Variants in RFLNA observed in about 807,000 individuals in gnomAD.
RFLNA encodes refilin-A.
Under a neutral mutation model 7.8 loss-of-function variants are expected in RFLNA, and 5 were observed. The ratio of observed to expected loss-of-function variants is 0.64; its 90% CI spans 0.34 to 1.35. The LOEUF (loss-of-function observed/expected upper bound fraction) is 1.35. RFLNA is among the 40% of genes most tolerant of loss of function. The pLI, the probability that RFLNA is intolerant of heterozygous loss-of-function variation, is 0.04. For synonymous variants in RFLNA, 141 were observed against 131.3 expected, an observed-to-expected ratio of 1.07 and a Z score of -0.50; for missense variants, 278 against 305.5, an observed-to-expected ratio of 0.91 and a Z score of 0.67.
Position 124,300,720 on chromosome 12 carries a change from GTGGATGGATGCATGGATGGATGGA to G in RFLNA, c.207+5095_207+5118del, listed in dbSNP as rs1246423400. Among the ~76,000 whole-genome samples the G allele has an allele frequency of 3.5e-3, 403 of 116,324 alleles. 4 individuals are homozygous for G. Among genetic ancestry groups the G allele is most frequent in the African/African-American group, 0.011 (384 of 33,496 alleles). The allele number at this position is 116,324 out of a possible 152,430, so 76.3% of individuals were successfully genotyped here. The stretch of plus-strand genomic sequence containing the variant: ...GAAGGATGGATGGATGGGCAGAAGG[GTGGATGGATGCATGGATGGATGGA>G]TGGATGGATGGATGGATGGATGGAT... On this transcript the variant is annotated intron_variant, in intron 1 of 2. Coordinates refer to ENST00000546355, the MANE Select transcript of RFLNA (RefSeq NM_001365156.1).
chr12:124,311,949 G>A, intron 2 of RFLNA, 22 bp downstream of exon 2: 1 of 1,540,698 alleles, frequency 6.5e-7, no homozygotes, highest in Non-Finnish European at 8.7e-7. Context: ...ACTGGGCTCT[G>A]CGCGGGAGGA....
In RFLNA at chr12:124,306,202, C is replaced by A. The variant is rs1283887544; in HGVS notation, c.208-5616C>A. Reference sequence around the variant, plus strand: ...GTCCTGGGCTTAGAGGTGATAAGGACTCCAGCCTTAGGGAGCTGCTTCTCT... The same window carrying A: ...GTCCTGGGCTTAGAGGTGATAAGGAATCCAGCCTTAGGGAGCTGCTTCTCT... On this transcript the variant is annotated intron_variant, in intron 1 of 2. Transcript: ENST00000546355. The surrounding 1 kb of genome is among the most constrained non-coding windows in gnomAD (Gnocchi z 5.2). 6.6e-6 allele frequency among the ~76,000 whole-genome samples: 1 copy of A among 152,150 alleles called. No individual in the cohort carries two copies. Among genetic ancestry groups the A allele is most frequent in the Non-Finnish European group, 1.5e-5 (1 of 68,028 alleles).
At chr12:124,307,037 C>A (rs2034148617) in intron 1 of RFLNA, among the ~76,000 whole-genome samples, 1 of 152,318 alleles carries the variant, frequency 6.6e-6, no homozygotes, top group East Asian at 1.9e-4. Context: ...GCTATCCCCT[C>A]TTCAGCCAAG....
intron 1 of RFLNA, among the ~76,000 whole-genome samples, chr12:124,305,205 A>G (rs903049581): frequency 1.3e-5 from 2 of 152,088 alleles, no homozygotes; most frequent in Admixed American, 1.3e-4. Context: ...CCAGGGAGGT[A>G]CCTCCACCCC....
At chr12:124,302,450 G>A (rs2034054389) in intron 1 of RFLNA, among the ~76,000 whole-genome samples, 3 of 152,032 alleles carry the variant, frequency 2.0e-5, no homozygotes, top group South Asian at 4.2e-4. Flanking sequence ...TGACCCACTC[G>A]GGGTCTCCTG....
At chr12:124,291,033 T>TCA (rs1469659413), upstream of RFLNA, among the ~76,000 whole-genome samples, 7 of 152,118 alleles carry the variant, frequency 4.6e-5, no homozygotes, top group Admixed American at 6.5e-5. Context: ...TCTCTGCAGG[T>TCA]CACAGAAAAG....
At chr12:124,299,189 C>T (rs539039546) in intron 1 of RFLNA, among the ~76,000 whole-genome samples, 3 of 152,332 alleles carry the variant, frequency 2.0e-5, no homozygotes, top group Non-Finnish European at 4.4e-5. Flanking sequence ...GGTGCCCGTG[C>T]GGGACGCAGA....
At chr12:124,304,496 CGGGCGG>C in intron 1 of RFLNA, among the ~76,000 whole-genome samples, 1 of 152,230 alleles carries the variant, frequency 6.6e-6, no homozygotes, top group Non-Finnish European at 1.5e-5. Flanking sequence ...GGAGCGGGAC[CGGGCGG>C]AAAGGGGCTG....
chr12:124,312,636 A>C (rs575695515), intron 2 of RFLNA, among the ~76,000 whole-genome samples: 4 of 152,116 alleles, frequency 2.6e-5, no homozygotes, highest in Non-Finnish European at 5.9e-5. Context: ...GGTATTCACA[A>C]CCAAACCATT....
Position 124,306,322 on chromosome 12 carries a change from G to C in RFLNA, c.208-5496G>C, listed in dbSNP as rs2034136750. 6.6e-6 allele frequency among the ~76,000 whole-genome samples: 1 copy of C among 152,182 alleles called. No individual in the cohort carries two copies. Among genetic ancestry groups the C allele is most frequent in the African/African-American group, 2.4e-5 (1 of 41,434 alleles). ...GAGGATGCCCCTAAGACTTGGAGAG[G>C]ACACTGAGTTGGCTCTCACCAGCCC... On this transcript the variant is annotated intron_variant, in intron 1 of 2. Transcript: ENST00000546355. This position sits in a 1 kb window ranked among gnomAD's most constrained non-coding sequence, Gnocchi z 5.2.
intron 1 of RFLNA, among the ~76,000 whole-genome samples, chr12:124,303,440 C>T (rs1404740051): frequency 1.3e-5 from 2 of 152,236 alleles, no homozygotes; most frequent in Non-Finnish European, 2.9e-5. Context: ...CACTGTCCTG[C>T]TGCCCAGAAG....
At chr12:124,305,890 C>T (rs1172757179) in intron 1 of RFLNA, among the ~76,000 whole-genome samples, 1 of 152,166 alleles carries the variant, frequency 6.6e-6, no homozygotes, top group South Asian at 2.1e-4. Flanking sequence ...CCACTCACTC[C>T]GTGTCAATGC....
At position 124,314,313 on chromosome 12, in the gene RFLNA, C is replaced by T. The variant is rs762570142; in HGVS notation, c.439C>T (p.Arg147Cys). ...TIVAAPNCTWRNYRSQLTLEP... is the reference protein window; with the variant it reads ...TIVAAPNCTWCNYRSQLTLEP... ...CGTGGCAGCACCCAACTGCACGTGG[C>T]GCAACTACCGCAGCCAGCTGACCCT... The change falls in exon 3 of 3, where the codon CGC becomes TGC. Residue 147 changes from arginine (R) to cysteine (C), a missense_variant. Physicochemically the swap from Arg to Cys is radical, Grantham distance 180. Coordinates refer to ENST00000546355, the MANE Select transcript of RFLNA (RefSeq NM_001365156.1). 1.5e-5 allele frequency: 24 copies of T among 1,613,352 alleles called. 1 individual carries two copies. Among genetic ancestry groups the T allele is most frequent in the South Asian group, 5.5e-5 (5 of 91,092 alleles).
At chr12:124,296,143 TCTCTTCTC>T (rs2033918579) in intron 1 of RFLNA, among the ~76,000 whole-genome samples, 4 of 3,770 alleles carry the variant, frequency 1.1e-3, no homozygotes, top group Non-Finnish European at 2.3e-3. Context: ...TCTCTCTTCT[TCTCTTCTC>T]TTCTCTTCTC....
intron 1 of RFLNA, among the ~76,000 whole-genome samples, chr12:124,307,696 G>A (rs551987833): frequency 6.6e-6 from 1 of 152,314 alleles, no homozygotes; most frequent in East Asian, 1.9e-4. Context: ...CCCAGGGTTC[G>A]GGCTTGTCGA....
Position 124,295,441 on chromosome 12 carries a change from C to G in RFLNA, c.12C>G (p.His4Gln). The part of the protein sequence containing the change: MVG[H>Q]LHLQGMEDSL... ...CGCGCCCCCCAGACATGGTGGGCCA[C>G]CTGCATCTGCAGGGCATGGAGGACA... The change falls in exon 1 of 3, where the codon CAC (histidine) becomes CAG (glutamine). Residue 4 changes from histidine to glutamine, a missense_variant. Coordinates refer to ENST00000546355, the MANE Select transcript of RFLNA (RefSeq NM_001365156.1). The G allele has an allele frequency of 8.1e-7, 1 of 1,230,668 alleles. No individual in the cohort carries two copies. Among genetic ancestry groups the G allele is most frequent in the Non-Finnish European group, 1.0e-6 (1 of 988,514 alleles). 76.2% of individuals were successfully genotyped at this position (1,230,668 alleles called of 1,614,324 possible). A position where few individuals can be genotyped will look rare whatever the true frequency, so the allele number is the denominator to read the frequency against.
Position 124,314,611 on chromosome 12 carries a change from C to T in RFLNA, c.*86C>T. On this transcript the variant is annotated 3_prime_UTR_variant, in exon 3 of 3. Coordinates refer to ENST00000546355, the MANE Select transcript of RFLNA (RefSeq NM_001365156.1). ...GATGGACACGATGAGCTCGGCCTGG[C>T]ACTCGGGCAGGAGGCGGGAAGGGAG... 6.5e-7 allele frequency: 1 copy of T among 1,532,578 alleles called. No homozygotes were observed. Among genetic ancestry groups the T allele is most frequent in the Middle Eastern group, 1.7e-4 (1 of 5,952 alleles). The allele number at this position is 1,532,578 out of a possible 1,614,324, so 94.9% of individuals were successfully genotyped here.
rs1000610959 is a variant in RFLNA at position 124,289,434 on chromosome 12, C to A, written c.-37+64C>A. The stretch of plus-strand genomic sequence containing the variant: ...GGGCTGCGGGAAAGCCAAGCCAGGA[C>A]GCTGGGTGGCAGACCGTTAGAACAG... On this transcript the variant is annotated intron_variant, in intron 1 of 2. Coordinates refer to the RFLNA transcript ENST00000324038. The surrounding 1 kb of genome is among the most constrained non-coding windows in gnomAD (Gnocchi z 5.0). 1.3e-5 allele frequency: 2 copies of A among 152,200 alleles called. No homozygotes were observed. The highest frequency in any genetic ancestry group is 3.9e-4 in the East Asian group (2 of 5,186). 9.4% of individuals were successfully genotyped at this position (152,200 alleles called of 1,614,324 possible). A position where few individuals can be genotyped will look rare whatever the true frequency, so the allele number is the denominator to read the frequency against.
At chr12:124,307,017 G>A (rs1440163959) in intron 1 of RFLNA, among the ~76,000 whole-genome samples, 3 of 152,142 alleles carry the variant, frequency 2.0e-5, no homozygotes, top group Non-Finnish European at 2.9e-5. Flanking sequence ...GCTGTCCCCC[G>A]TGGGAGCCAG....
Sources: gnomAD v4.1 joint callset for allele counts (sites outside exome capture counted in the v4.1 genomes callset) on GRCh38, gnomAD v4.1.1 for gene constraint, Gnocchi (gnomAD v3.1) non-coding constraint, MANE v1.5 for transcripts, NCBI Gene and HGNC (gene_info 2026-07-23, HGNC 2026-07-21) for gene names.